DLGAP2: variants seen among roughly 807,000 people sequenced by gnomAD.
DLGAP2 encodes the protein disks large-associated protein 2.
DLGAP2 carries 26 observed loss-of-function variants against 100.3 expected under a neutral mutation model. The ratio of observed to expected loss-of-function variants is 0.26; its 90% CI spans 0.19 to 0.36. DLGAP2 has a LOEUF of 0.36. Ranked by LOEUF, DLGAP2 falls within the 10% of genes least tolerant of loss-of-function variation. DLGAP2 has a pLI of 1.00. For synonymous variants in DLGAP2, 886 were observed against 630.1 expected, an observed-to-expected ratio of 1.41 and a Z score of -6.08; for missense variants, 1,858 against 1,453.2, an observed-to-expected ratio of 1.28 and a Z score of -4.53.
intron 3 of DLGAP2, among the ~76,000 whole-genome samples, chr8:1,450,530 A>T (rs1798128114): frequency 6.6e-6 from 1 of 152,028 alleles, no homozygotes; most frequent in Admixed American, 6.6e-5. Context: ...GTGAGGACAC[A>T]TCCATAATTA....
intron 1 of DLGAP2, among the ~76,000 whole-genome samples, chr8:846,512 A>AG (rs1373672239): frequency 1.3e-5 from 2 of 152,104 alleles, no homozygotes; most frequent in Admixed American, 6.5e-5. Flanking sequence ...TAAGTACAAT[A>AG]TTTTCTTTAT....
chr8:1,610,314 GA>G (rs1482621388), intron 6 of DLGAP2, among the ~76,000 whole-genome samples: 9 of 151,952 alleles, frequency 5.9e-5, no homozygotes, highest in African/African-American at 2.2e-4. Context: ...AATGAAGGCA[GA>G]AATAAAGATG....
chr8:1,141,028 T>C (rs532193404), intron 2 of DLGAP2, among the ~76,000 whole-genome samples: 1 of 152,208 alleles, frequency 6.6e-6, no homozygotes, highest in South Asian at 2.1e-4. Flanking sequence ...TCATTGAAGG[T>C]GTGGCAGGAA....
At chr8:1,124,522 CTTTTCTG>C (rs1309659282) in intron 2 of DLGAP2, among the ~76,000 whole-genome samples, 1 of 152,174 alleles carries the variant, frequency 6.6e-6, no homozygotes, top group Non-Finnish European at 1.5e-5. Flanking sequence ...ATCAAATATA[CTTTTCTG>C]TTTGTTTTCT....
rs1321645322 is a variant in DLGAP2 at position 852,360 on chromosome 8, A to G, written c.19-55552A>G. Among the ~76,000 whole-genome samples, 3 of 152,120 alleles carry G rather than the reference A, an allele frequency of 2.0e-5. No individual in the cohort carries two copies. In the East Asian group the frequency reaches 5.8e-4, roughly 29 times the overall value. On this transcript the variant is annotated intron_variant, in intron 1 of 14. Coordinates refer to ENST00000637795, the MANE Select transcript of DLGAP2 (RefSeq NM_001346810.2). ...AGTAGCCTCCTGTTTGAAATCTGAG[A>G]TTGGCTTTTCACACGTGATCTTCAG...
At chr8:1,337,253 A>T (rs887373973) in intron 3 of DLGAP2, among the ~76,000 whole-genome samples, 4 of 123,352 alleles carry the variant, frequency 3.2e-5, no homozygotes, top group African/African-American at 1.3e-4. Flanking sequence ...GATGGTGATG[A>T]TGGTGGTGAT....
intron 2 of DLGAP2, among the ~76,000 whole-genome samples, chr8:938,964 C>A (rs1467649282): frequency 6.6e-6 from 1 of 152,244 alleles, no homozygotes; most frequent in Non-Finnish European, 1.5e-5. Flanking sequence ...GGAGGCTGAG[C>A]CTTTCTGTTC....
At chr8:1,037,341 G>T (rs956569509) in intron 2 of DLGAP2, among the ~76,000 whole-genome samples, 1 of 151,930 alleles carries the variant, frequency 6.6e-6, no homozygotes, top group South Asian at 2.1e-4. Flanking sequence ...AGCTCTTCCC[G>T]CCCCTTCAGT....
At position 1,338,831 on chromosome 8, in the gene DLGAP2, T is replaced by TGACCTCAGTGAGGC. The variant is rs1801350090; in HGVS notation, c.106+79949_106+79950insACCTCAGTGAGGCG. Among the ~76,000 whole-genome samples, 4 of 61,480 alleles carry TGACCTCAGTGAGGC rather than the reference T, an allele frequency of 6.5e-5. 1 individual carries two copies. Among genetic ancestry groups the TGACCTCAGTGAGGC allele is most frequent in the African/African-American group, 8.2e-5 (1 of 12,212 alleles). The allele number at this position is 61,480 out of a possible 152,430, so 40.3% of individuals were successfully genotyped here. ...AGAGAATGCAGTGACCTAAGGGAAG[T>TGACCTCAGTGAGGC]GTCAGGACCTGGCAGGGAATGCAGT... On this transcript the variant is annotated intron_variant, in intron 3 of 14. Transcript: ENST00000637795.
At chr8:871,373 T>C (rs1034018864) in intron 1 of DLGAP2, among the ~76,000 whole-genome samples, 1 of 152,236 alleles carries the variant, frequency 6.6e-6, no homozygotes, top group African/African-American at 2.4e-5. Flanking sequence ...TTTTGTATTT[T>C]GCTGTTCTAA....
chr8:1,205,028 C>G (rs1026250896), intron 2 of DLGAP2, among the ~76,000 whole-genome samples: 3 of 152,110 alleles, frequency 2.0e-5, no homozygotes, highest in African/African-American at 7.2e-5. Flanking sequence ...GCCGTAATTG[C>G]AGTCATTAGG....
intron 2 of DLGAP2, among the ~76,000 whole-genome samples, chr8:949,356 T>G (rs1799417095): frequency 6.6e-6 from 1 of 152,146 alleles, no homozygotes; most frequent in Admixed American, 6.5e-5. Context: ...CCACGCTGGA[T>G]AGTCCCAGCT....
rs549795278 is a variant in DLGAP2, at chr8:1,216,137, C to T, written c.74-42714C>T. On this transcript the variant is annotated intron_variant, in intron 2 of 14. Coordinates refer to ENST00000637795, the MANE Select transcript of DLGAP2 (RefSeq NM_001346810.2). ...CTCAGTTGTAAAGGGTGTGTCTAGA[C>T]AGGGGAGTGTGTGTTCGCATGTTTG... 5.3e-5 allele frequency among the ~76,000 whole-genome samples: 8 copies of T among 152,292 alleles called. 1 individual carries two copies. The South Asian group carries it at 1.2e-3, about 24-fold the overall frequency.
At chr8:856,721 T>C (rs1280651889) in intron 1 of DLGAP2, among the ~76,000 whole-genome samples, 1 of 152,134 alleles carries the variant, frequency 6.6e-6, no homozygotes, top group Non-Finnish European at 1.5e-5. Context: ...TTGAAAGAAA[T>C]GAAAGGAGAT....
chr8:884,703 C>T (rs1402976592), intron 1 of DLGAP2, among the ~76,000 whole-genome samples: 1 of 151,760 alleles, frequency 6.6e-6, no homozygotes, highest in Non-Finnish European at 1.5e-5. Context: ...GAAGTCTTTG[C>T]CCTTGCCTAT....
At chr8:970,898 A>T (rs1160406029) in intron 2 of DLGAP2, among the ~76,000 whole-genome samples, 1 of 152,224 alleles carries the variant, frequency 6.6e-6, no homozygotes, top group Non-Finnish European at 1.5e-5. Flanking sequence ...TATACTTCTA[A>T]GAAAATATAA....
intron 2 of DLGAP2, among the ~76,000 whole-genome samples, chr8:1,225,123 G>A (rs551839083): frequency 1.4e-4 from 21 of 152,306 alleles, no homozygotes; most frequent in African/African-American, 5.1e-4. Context: ...CCAAACCAGT[G>A]CGGGAGCGTC....
At position 1,000,866 on chromosome 8, in the gene DLGAP2, G is replaced by T. The variant is rs575762320; in HGVS notation, c.73+92900G>T. ...GTGTGTGGACAGGTGTGGGGGGAGAGGAGAGGGAGACCTTGCTCATCGGGT... is the reference window on the plus strand; with the variant it reads ...GTGTGTGGACAGGTGTGGGGGGAGATGAGAGGGAGACCTTGCTCATCGGGT... On this transcript the variant is annotated intron_variant, in intron 2 of 14. Coordinates refer to ENST00000637795, the MANE Select transcript of DLGAP2 (RefSeq NM_001346810.2). 3.9e-5 allele frequency among the ~76,000 whole-genome samples: 6 copies of T among 152,186 alleles called. No homozygotes were observed. In the South Asian group the frequency reaches 1.2e-3, roughly 32 times the overall value.
intron 2 of DLGAP2, among the ~76,000 whole-genome samples, chr8:990,254 C>T (rs1238277405): frequency 6.6e-6 from 1 of 151,972 alleles, no homozygotes; most frequent in East Asian, 1.9e-4. Flanking sequence ...TGTGGGTGCC[C>T]AAGTCCTGCG....
Sources: allele counts gnomAD v4.1 joint callset (sites outside exome capture counted in the v4.1 genomes callset), GRCh38; gene constraint gnomAD v4.1.1; transcripts MANE v1.5; gene names NCBI Gene and HGNC (gene_info 2026-07-23, HGNC 2026-07-21).